RABL3: variants seen among roughly 807,000 people sequenced by gnomAD.
The protein encoded by RABL3 is RAB, member of RAS oncogene family like 3.
RABL3 carries 31 observed loss-of-function variants against 31.8 expected under a neutral mutation model. The ratio of observed to expected loss-of-function variants is 0.97; its 90% CI spans 0.73 to 1.31. The LOEUF is 1.31. Ranked by LOEUF, RABL3 falls within the 40% of genes most tolerant of loss-of-function variation. The probability of loss-of-function intolerance (pLI) is 0.00; values close to 1 mark genes in which losing one functional copy is unlikely to be tolerated. For synonymous variants in RABL3, 97 were observed against 99.9 expected (o/e 0.97, Z 0.18); for missense variants, 263 against 279.6 (o/e 0.94, Z 0.42).
chr3:120,685,230 TAC>T lies in RABL3; in HGVS notation c.*4591_*4592del, dbSNP rs1708295693. 6.6e-6 allele frequency among the ~76,000 whole-genome samples: 1 copy of T among 152,180 alleles called. No individual in the cohort carries two copies. ...AATGTGAAGCAGGGTGTGACAGGTCTACAGAGTAATCACTCCAAAACGGAGTT... is the reference window on the plus strand; with the variant it reads ...AATGTGAAGCAGGGTGTGACAGGTCTAGAGTAATCACTCCAAAACGGAGTT... On this transcript the variant is annotated 3_prime_UTR_variant, in exon 8 of 8. Transcript: ENST00000273375.
intron 2 of RABL3, among the ~76,000 whole-genome samples, chr3:120,729,965 T>G (rs576596219): frequency 6.6e-6 from 1 of 150,894 alleles, no homozygotes; most frequent in Admixed American, 6.6e-5. Context: ...TATCAAAGAT[T>G]AAAAAAAAAC....
chr3:120,723,646 AC>A (rs1290826798), intron 2 of RABL3, among the ~76,000 whole-genome samples: 1 of 152,186 alleles, frequency 6.6e-6, no homozygotes, highest in Non-Finnish European at 1.5e-5. Flanking sequence ...GGTTCAACAT[AC>A]GCAAATCAAT....
chr3:120,709,209 T>A (rs1369688059), intron 3 of RABL3, among the ~76,000 whole-genome samples: 2 of 151,848 alleles, frequency 1.3e-5, no homozygotes, highest in Non-Finnish European at 2.9e-5. Context: ...TGACACAGAG[T>A]AGGTACTCTA....
At chr3:120,715,004 C>T (rs1480819328) in intron 2 of RABL3, among the ~76,000 whole-genome samples, 1 of 152,182 alleles carries the variant, frequency 6.6e-6, no homozygotes, top group African/African-American at 2.4e-5. Flanking sequence ...TCCAGGACAG[C>T]TCCAGGTGGC....
intron 1 of RABL3, among the ~76,000 whole-genome samples, chr3:120,733,987 T>C (rs1202009418): frequency 6.6e-6 from 1 of 152,242 alleles, no homozygotes; most frequent in African/African-American, 2.4e-5. Context: ...GGTAGCGTGA[T>C]GCCTCCAGCT....
chr3:120,689,523 T>C lies in RABL3; in HGVS notation c.*300A>G, dbSNP rs1708354373. 4.3e-6 allele frequency: 1 copy of C among 231,950 alleles called. No homozygotes were observed. Among genetic ancestry groups the C allele is most frequent in the South Asian group, 1.6e-4 (1 of 6,218 alleles). The allele number at this position is 231,950 out of a possible 1,614,324, so 14.4% of individuals were successfully genotyped here. A position where few individuals can be genotyped will look rare whatever the true frequency, so the allele number is the denominator to read the frequency against. Reference sequence around the variant, plus strand: ...TCCAGTTCTAGGCAAGAGTAAATTTTCTCTGCAGTACACTGTCATTGCTCA... The same window carrying C: ...TCCAGTTCTAGGCAAGAGTAAATTTCCTCTGCAGTACACTGTCATTGCTCA... On this transcript the variant is annotated 3_prime_UTR_variant, in exon 8 of 8. Transcript: ENST00000273375.
At chr3:120,691,725 T>G (rs1277723713) in intron 6 of RABL3, among the ~76,000 whole-genome samples, 2 of 152,226 alleles carry the variant, frequency 1.3e-5, no homozygotes, top group Non-Finnish European at 2.9e-5. Context: ...TAAGAAAAGT[T>G]AATCGGATAA....
chr3:120,727,439 T>G (rs545160517), intron 2 of RABL3, among the ~76,000 whole-genome samples: 7 of 152,284 alleles, frequency 4.6e-5, no homozygotes, highest in African/African-American at 1.7e-4. Flanking sequence ...TTTTATTATT[T>G]TCTTTAATGT....
At chr3:120,731,104 G>T (rs1324616354) in intron 1 of RABL3, among the ~76,000 whole-genome samples, 2 of 144,418 alleles carry the variant, frequency 1.4e-5, no homozygotes, top group Admixed American at 1.4e-4. Context: ...TACTGGTCCA[G>T]GGGTCTCACT....
chr3:120,698,509 C>A lies in RABL3; in HGVS notation c.448G>T (p.Asp150Tyr). ...TGGCGCTTTGTTTCATGAATCTGGTCCAGTTTAGTCCCTATTACCAACAGT... is the reference window on the plus strand; with the variant it reads ...TGGCGCTTTGTTTCATGAATCTGGTACAGTTTAGTCCCTATTACCAACAGT... Reference protein sequence around the residue: ...IPLLVIGTKLDQIHETKRHEV... With the variant: ...IPLLVIGTKLYQIHETKRHEV... The change falls in exon 5 of 8, where the codon GAC (aspartate) becomes TAC (tyrosine). Residue 150 changes from aspartate to tyrosine, a missense_variant. Asp to Tyr is a radical substitution (Grantham distance 160, BLOSUM62 -3). Transcript: ENST00000273375. 1 of 1,613,710 alleles carries A rather than the reference C, an allele frequency of 6.2e-7. No individual in the cohort carries two copies. Among genetic ancestry groups the A allele is most frequent in the Non-Finnish European group, 8.5e-7 (1 of 1,179,688 alleles).
rs1708410045 is a variant in RABL3 at position 120,694,131 on chromosome 3, ATAACT to A, written c.606+17_606+21del. On this transcript the variant is annotated intron_variant, in intron 6 of 7. Transcript: ENST00000273375. The stretch of plus-strand genomic sequence containing the variant: ...CATAATATATAAATTAAGTTTAAAA[ATAACT>A]TAATTGAAACCATTACCTTATCAAA... 6.7e-7 allele frequency: 1 copy of A among 1,491,338 alleles called. No individual in the cohort carries two copies. Among genetic ancestry groups the A allele is most frequent in the Non-Finnish European group, 9.2e-7 (1 of 1,084,540 alleles). The allele number at this position is 1,491,338 out of a possible 1,614,324, so 92.4% of individuals were successfully genotyped here.
chr3:120,719,593 C>A (rs894359729), intron 2 of RABL3, among the ~76,000 whole-genome samples: 1 of 152,210 alleles, frequency 6.6e-6, no homozygotes, highest in Non-Finnish European at 1.5e-5. Context: ...CACGAAGCCT[C>A]GCTCATTGCT....
chr3:120,722,138 T>C (rs937879267), intron 2 of RABL3: 2 of 152,162 alleles, frequency 1.3e-5, no homozygotes, highest in African/African-American at 4.8e-5. Flanking sequence ...TATTTTATCA[T>C]CTGTAGGCTC....
At chr3:120,708,837 C>T (rs1458390196) in intron 3 of RABL3, among the ~76,000 whole-genome samples, 1 of 151,964 alleles carries the variant, frequency 6.6e-6, no homozygotes, top group Non-Finnish European at 1.5e-5. Flanking sequence ...TGGGTCTGAA[C>T]TGACACATCT....
In RABL3 at chr3:120,685,094, C is replaced by T. The variant is rs995698614; in HGVS notation, c.*4729G>A. ...AGCACTAGTGGGCACGTAGCCCAGACGAGCAGAGCCAGGGAGGGCTTCCCA... is the reference window on the plus strand; with the variant it reads ...AGCACTAGTGGGCACGTAGCCCAGATGAGCAGAGCCAGGGAGGGCTTCCCA... On this transcript the variant is annotated 3_prime_UTR_variant, in exon 8 of 8. Transcript: ENST00000273375. 5.9e-5 allele frequency among the ~76,000 whole-genome samples: 9 copies of T among 152,164 alleles called. No individual in the cohort carries two copies. The highest frequency in any genetic ancestry group is 1.0e-4 in the Non-Finnish European group (7 of 68,036).
At chr3:120,736,408 C>G (rs555676545) in intron 1 of RABL3, among the ~76,000 whole-genome samples, 1 of 152,318 alleles carries the variant, frequency 6.6e-6, no homozygotes, top group Non-Finnish European at 1.5e-5. Context: ...AGATCTTCCT[C>G]CATCCCTTTA....
At chr3:120,742,643 A>G, upstream of RABL3, 1 of 854,808 alleles carries the variant, frequency 1.2e-6, no homozygotes, top group South Asian at 1.5e-5. Context: ...CACTGAACTC[A>G]TTGGCTGGTC....
chr3:120,742,163 T>G (rs1165119573), intron 1 of RABL3, among the ~76,000 whole-genome samples: 1 of 151,992 alleles, frequency 6.6e-6, no homozygotes, highest in African/African-American at 2.4e-5. Flanking sequence ...TGCTTTTTTT[T>G]TTTTTTTTTT....
chr3:120,688,953 T>C lies in RABL3; in HGVS notation c.*870A>G, dbSNP rs1258239647. On this transcript the variant is annotated 3_prime_UTR_variant, in exon 8 of 8. Transcript: ENST00000273375. ...ACACAGAATAATATTCTTAGTTTTC[T>C]GATTATAGCTAAGGGACATTTCAGG... The C allele has an allele frequency of 1.3e-5, 2 of 152,180 alleles. No individual in the cohort carries two copies. Among genetic ancestry groups the C allele is most frequent in the Non-Finnish European group, 2.9e-5 (2 of 68,028 alleles). 9.4% of individuals were successfully genotyped at this position (152,180 alleles called of 1,614,324 possible).
Sources: gnomAD v4.1 joint callset for allele counts (sites outside exome capture counted in the v4.1 genomes callset) on GRCh38, gnomAD v4.1.1 for gene constraint, MANE v1.5 for transcripts, NCBI Gene and HGNC (gene_info 2026-07-23, HGNC 2026-07-21) for gene names.